RNGTT: variants seen among roughly 807,000 people sequenced by gnomAD.
RNGTT encodes the protein RNA guanylyltransferase and 5'-phosphatase, also known as mRNA-capping enzyme.
Under a neutral mutation model 79.3 loss-of-function variants are expected in RNGTT, and 33 were observed. That is an observed-to-expected ratio of 0.42 (90% CI 0.32 to 0.56). The LOEUF is 0.56. RNGTT is among the 20% of genes least tolerant of loss of function. RNGTT has a pLI of 0.17. For synonymous variants in RNGTT, 222 were observed against 235.9 expected, an observed-to-expected ratio of 0.94 and a Z score of 0.54; for missense variants, 497 against 739.1, an observed-to-expected ratio of 0.67 and a Z score of 3.80.
Position 88,846,702 on chromosome 6 carries a change from G to T in RNGTT, c.1105-2181C>A, listed in dbSNP as rs987524694. Among the ~76,000 whole-genome samples, 4 of 151,712 alleles carry T rather than the reference G, an allele frequency of 2.6e-5. No homozygotes were observed. The South Asian group carries it at 6.2e-4, about 24-fold the overall frequency. ...CTGAACACGGGAGGCAGAGGTTGCT[G>T]TGAGCTGAGATCATGCCACTGCACT... On this transcript the variant is annotated intron_variant, in intron 10 of 15. Transcript: ENST00000369485.
At position 88,807,321 on chromosome 6, in the gene RNGTT, G is replaced by A. The variant is rs9444647; in HGVS notation, c.1270-5689C>T. Reference sequence around the variant, plus strand: ...AAAAAAGTGGAAAACATGCATAAACGGATATGGAGTTTCAGCAGAGATGGA... The same window carrying A: ...AAAAAAGTGGAAAACATGCATAAACAGATATGGAGTTTCAGCAGAGATGGA... On this transcript the variant is annotated intron_variant, in intron 11 of 15. Transcript: ENST00000369485. 7.7e-3 allele frequency among the ~76,000 whole-genome samples: 1,176 copies of A among 152,112 alleles called. 8 individuals are homozygous for A. Among genetic ancestry groups the A allele is most frequent in the African/African-American group, 0.026 (1,088 of 41,486 alleles).
intron 13 of RNGTT, among the ~76,000 whole-genome samples, chr6:88,728,397 A>G (rs1776993055): frequency 6.6e-6 from 1 of 152,242 alleles, no homozygotes; most frequent in Non-Finnish European, 1.5e-5. Context: ...TAAAGACCCC[A>G]GTGTCAACCA....
chr6:88,752,457 T>C (rs1283699379), intron 13 of RNGTT, among the ~76,000 whole-genome samples: 1 of 152,118 alleles, frequency 6.6e-6, no homozygotes, highest in Non-Finnish European at 1.5e-5. Context: ...TAAATCTTAA[T>C]AGAGCAAACT....
At chr6:88,717,102 G>A (rs1039835374) in intron 13 of RNGTT, among the ~76,000 whole-genome samples, 11 of 152,118 alleles carry the variant, frequency 7.2e-5, no homozygotes, top group South Asian at 4.1e-4. Flanking sequence ...AGCCTCCACT[G>A]GCTCCACAAA....
At chr6:88,775,950 A>C (rs570233865) in intron 12 of RNGTT, among the ~76,000 whole-genome samples, 2 of 152,316 alleles carry the variant, frequency 1.3e-5, no homozygotes, top group Non-Finnish European at 2.9e-5. Flanking sequence ...ACTGAAGGAC[A>C]TTTAGGTGGT....
chr6:88,645,701 A>G (rs1257979069), intron 14 of RNGTT, among the ~76,000 whole-genome samples: 2 of 152,188 alleles, frequency 1.3e-5, no homozygotes, highest in African/African-American at 2.4e-5. Context: ...ATAATACCAC[A>G]CATCTACAAC....
intron 11 of RNGTT, among the ~76,000 whole-genome samples, chr6:88,818,361 T>C (rs1780392465): frequency 6.6e-6 from 1 of 151,918 alleles, no homozygotes; most frequent in African/African-American, 2.4e-5. Flanking sequence ...AGCGGGTGGA[T>C]CACCCGAGGT....
chr6:88,858,440 C>G (rs936077939), intron 8 of RNGTT, among the ~76,000 whole-genome samples: 13 of 152,142 alleles, frequency 8.5e-5, no homozygotes, highest in African/African-American at 2.9e-4. Context: ...ATTACAGGAG[C>G]CTACAAAGGT....
chr6:88,689,931 A>G (rs1775420903), intron 13 of RNGTT, among the ~76,000 whole-genome samples: 1 of 152,096 alleles, frequency 6.6e-6, no homozygotes, highest in African/African-American at 2.4e-5. Flanking sequence ...TTAACCAAGT[A>G]ATTATGGTTA....
At position 88,890,560 on chromosome 6, in the gene RNGTT, G is replaced by C. The variant is rs1240339203; in HGVS notation, c.831C>G (p.Asp277Glu). ...GFPGAQPVSM[D>E]KQNIKLLDLK... ...GGTCTAAAAGTTTAATATTTTGCTT[G>C]TCCATGGAAACAGGCTGTGCTCCAG... Residue 277 changes from aspartate (D) to glutamate (E), a missense_variant, in exon 8 of 16, where the codon GAC becomes GAG. By Grantham distance (45) the Asp-to-Glu change is conservative. Around this residue, in one of 3 missense-constraint regions of RNGTT, gnomAD observed 440 missense variants for 671.5 expected, o/e 0.66. Coordinates refer to ENST00000369485, the MANE Select transcript of RNGTT (RefSeq NM_003800.5). The C allele has an allele frequency of 6.2e-7, 1 of 1,613,460 alleles. No homozygotes were observed. Among genetic ancestry groups the C allele is most frequent in the Non-Finnish European group, 8.5e-7 (1 of 1,179,720 alleles).
chr6:88,867,473 A>C (rs959775025), intron 8 of RNGTT, among the ~76,000 whole-genome samples: 1 of 151,962 alleles, frequency 6.6e-6, no homozygotes, highest in Non-Finnish European at 1.5e-5. Flanking sequence ...ACAGAGAAAG[A>C]CTCCATCTCA....
intron 13 of RNGTT, among the ~76,000 whole-genome samples, chr6:88,689,520 G>A (rs993635261): frequency 4.0e-5 from 6 of 151,870 alleles, no homozygotes; most frequent in East Asian, 3.9e-4. Context: ...CTTGAACCCA[G>A]GAGGCGGAGG....
At chr6:88,852,472 T>C (rs1185975062) in intron 9 of RNGTT, among the ~76,000 whole-genome samples, 14 of 152,136 alleles carry the variant, frequency 9.2e-5, no homozygotes, top group Admixed American at 8.5e-4. Context: ...CAAATGACTA[T>C]GACTTTTATG....
rs560943411 is a variant in RNGTT, at chr6:88,881,473, T to C, written c.896+9022A>G. ...AAAATGCTTGCTATGTAAAACTCATTTGACCAACTCTCACTAGCAAAACCT... is the reference window on the plus strand; with the variant it reads ...AAAATGCTTGCTATGTAAAACTCATCTGACCAACTCTCACTAGCAAAACCT... On this transcript the variant is annotated intron_variant, in intron 8 of 15. Transcript: ENST00000369485. 1.4e-4 allele frequency among the ~76,000 whole-genome samples: 22 copies of C among 152,330 alleles called. 1 individual carries two copies. The South Asian group carries it at 4.6e-3, about 32-fold the overall frequency.
intron 11 of RNGTT, among the ~76,000 whole-genome samples, chr6:88,840,148 C>T (rs749133015): frequency 1.3e-5 from 2 of 152,094 alleles, no homozygotes; most frequent in Non-Finnish European, 2.9e-5. Context: ...TTCGTAATAT[C>T]ACTATTTTAC....
At chr6:88,791,733 G>A (rs557562630) in intron 12 of RNGTT, among the ~76,000 whole-genome samples, 2 of 151,896 alleles carry the variant, frequency 1.3e-5, no homozygotes, top group African/African-American at 4.8e-5. Context: ...TAGAGACAGG[G>A]TTTCACCACG....
chr6:88,852,131 C>T lies in RNGTT; in HGVS notation c.1032+1498G>A, dbSNP rs184182734. ...TCTAAACTACCTCAGGACTTAAATA[C>T]CTCTCTTTGGGTTATTGTTTTATTC... On this transcript the variant is annotated intron_variant, in intron 9 of 15. Coordinates refer to ENST00000369485, the MANE Select transcript of RNGTT (RefSeq NM_003800.5). Among the ~76,000 whole-genome samples the T allele has an allele frequency of 5.7e-4, 86 of 152,044 alleles. 2 individuals are homozygous for T. The highest frequency in any genetic ancestry group is 4.5e-3 in the Admixed American group (69 of 15,264).
intron 12 of RNGTT, among the ~76,000 whole-genome samples, chr6:88,781,352 TCTACAGTAAAAC>T (rs1779057542): frequency 6.6e-6 from 1 of 152,204 alleles, no homozygotes; most frequent in Admixed American, 6.5e-5. Flanking sequence ...ATCACCAGGT[TCTACAGTAAAAC>T]CTGAGACATA....
intron 14 of RNGTT, among the ~76,000 whole-genome samples, chr6:88,676,385 C>T (rs1590253): frequency 1.3e-5 from 2 of 149,500 alleles, no homozygotes; most frequent in Non-Finnish European, 3.0e-5. Context: ...AAAAAGATGA[C>T]AAAAAAAAAG....
Sources: gnomAD v4.1 joint callset for allele counts (sites outside exome capture counted in the v4.1 genomes callset) on GRCh38, gnomAD v4.1.1 for gene constraint, gnomAD v4.1.1 regional missense constraint, MANE v1.5 for transcripts, NCBI Gene and HGNC (gene_info 2026-07-23, HGNC 2026-07-21) for gene names.